EPAS1: variants seen among roughly 807,000 people sequenced by gnomAD.
The protein encoded by EPAS1 is endothelial PAS domain-containing protein 1.
A neutral mutation model predicts 87.9 loss-of-function variants in EPAS1; 23 were observed. That is an observed-to-expected ratio of 0.26 (90% CI 0.19 to 0.37). The LOEUF is 0.37. Among genes scored for constraint, EPAS1 ranks in the 10% least tolerant of loss-of-function variants. The probability of loss-of-function intolerance (pLI) is 1.00; values close to 1 mark genes in which losing one functional copy is unlikely to be tolerated. For synonymous variants in EPAS1, 508 were observed against 444.3 expected, an observed-to-expected ratio of 1.14 and a Z score of -1.80; for missense variants, 1,138 against 1,120.7, an observed-to-expected ratio of 1.02 and a Z score of -0.22.
At position 46,332,163 on chromosome 2, in the gene EPAS1, G is replaced by A. The variant is rs144475637; in HGVS notation, c.27-14710G>A. On this transcript the variant is annotated intron_variant, in intron 1 of 15. Coordinates refer to ENST00000263734, the MANE Select transcript of EPAS1 (RefSeq NM_001430.5). ...TGTGGGGTGTGCTCTGCTTGTCCCAGGAAAAAGAGGGTTAAGTGCCAAGTT... is the reference window on the plus strand; with the variant it reads ...TGTGGGGTGTGCTCTGCTTGTCCCAAGAAAAAGAGGGTTAAGTGCCAAGTT... Among the ~76,000 whole-genome samples, 236 of 151,980 alleles carry A rather than the reference G, an allele frequency of 1.6e-3. 1 individual carries two copies. Among genetic ancestry groups the A allele is most frequent in the African/African-American group, 5.5e-3 (226 of 41,430 alleles).
chr2:46,377,710 T>C (rs555541745), intron 9 of EPAS1, among the ~76,000 whole-genome samples, 184 bp from the exon 10 acceptor site: 1 of 152,194 alleles, frequency 6.6e-6, no homozygotes, highest in Non-Finnish European at 1.5e-5. Context: ...AGTCTCTACG[T>C]TGACTCATAG....
At chr2:46,336,862 A>C (rs552271491) in intron 1 of EPAS1, among the ~76,000 whole-genome samples, 12 of 152,212 alleles carry the variant, frequency 7.9e-5, no homozygotes, top group Non-Finnish European at 1.6e-4. Flanking sequence ...TGGCCACAGC[A>C]AAGGTTGGGA....
intron 1 of EPAS1, among the ~76,000 whole-genome samples, chr2:46,321,845 A>G (rs1214656100): frequency 6.6e-6 from 1 of 152,132 alleles, no homozygotes; most frequent in Non-Finnish European, 1.5e-5. Context: ...ATTATATATA[A>G]TAACTGGCAT....
At chr2:46,374,628 G>T (rs541544520) in intron 7 of EPAS1, among the ~76,000 whole-genome samples, 1 of 152,158 alleles carries the variant, frequency 6.6e-6, no homozygotes, top group South Asian at 2.1e-4. Flanking sequence ...AAGATTTCCC[G>T]ATCCTCCCTC....
rs375421395 is a variant in EPAS1 at position 46,380,525 on chromosome 2, C to A, written c.1853C>A (p.Pro618Gln). The stretch of plus-strand genomic sequence containing the variant: ...GATGCCGGAAGCAAAGCATCCCTGC[C>A]ACCGTGCTGTGGCCAGGCCAGCACC... ...FFDAGSKASLPPCCGQASTPL... is the reference protein window; with the variant it reads ...FFDAGSKASLQPCCGQASTPL... The change falls in exon 12 of 16, where the codon CCA (proline) becomes CAA (glutamine). Residue 618 changes from proline (P) to glutamine (Q), a missense_variant. This residue lies in a region of EPAS1 where 502 missense variants were observed against 427.1 expected (regional missense o/e 1.18). Transcript: ENST00000263734. The surrounding 1 kb of genome is among the most constrained non-coding windows in gnomAD (Gnocchi z 4.4). 25 of 1,614,208 alleles carry A rather than the reference C, an allele frequency of 1.5e-5. No individual in the cohort carries two copies. In the African/African-American group the frequency reaches 2.9e-4, roughly 19 times the overall value.
At chr2:46,301,503 G>A (rs1055013861) in intron 1 of EPAS1, among the ~76,000 whole-genome samples, 7 of 151,798 alleles carry the variant, frequency 4.6e-5, no homozygotes, top group Non-Finnish European at 7.4e-5. Flanking sequence ...CTTGAACCCG[G>A]GAGGTAGAGG....
chr2:46,343,725 A>C (rs1045606394), intron 1 of EPAS1, among the ~76,000 whole-genome samples: 8 of 152,226 alleles, frequency 5.3e-5, no homozygotes, highest in Non-Finnish European at 1.2e-4. Context: ...CTTTTTCTGG[A>C]AGCTAAGGTG....
chr2:46,319,703 G>C lies in EPAS1; in HGVS notation c.26+21766G>C, dbSNP rs7567722. ...GTGATTCCTCTTTGTTTTGGAGCCAGGTGCCTGCGGTATTTGCTTATTTTC... is the reference window on the plus strand; with the variant it reads ...GTGATTCCTCTTTGTTTTGGAGCCACGTGCCTGCGGTATTTGCTTATTTTC... On this transcript the variant is annotated intron_variant, in intron 1 of 15. Transcript: ENST00000263734. Among the ~76,000 whole-genome samples the C allele has an allele frequency of 4.2e-3, 638 of 152,284 alleles. 9 individuals carry two copies. The highest frequency in any genetic ancestry group is 0.015 in the African/African-American group (628 of 41,552).
At position 46,316,283 on chromosome 2, in the gene EPAS1, C is replaced by T. The variant is rs1558584841; in HGVS notation, c.26+18346C>T. 2.0e-5 allele frequency among the ~76,000 whole-genome samples: 3 copies of T among 150,704 alleles called. No homozygotes were observed. The South Asian group carries it at 6.3e-4, about 32-fold the overall frequency. On this transcript the variant is annotated intron_variant, in intron 1 of 15. Transcript: ENST00000263734. ...CCTTTTTTTTTTTCTTTTTGAGACACAGTTTCACTCCGTTGCACAGACTGG... is the reference window on the plus strand; with the variant it reads ...CCTTTTTTTTTTTCTTTTTGAGACATAGTTTCACTCCGTTGCACAGACTGG...
intron 6 of EPAS1, among the ~76,000 whole-genome samples, chr2:46,366,497 T>C (rs777712254): frequency 2.0e-5 from 3 of 152,100 alleles, no homozygotes; most frequent in Non-Finnish European, 4.4e-5. Context: ...TGTGGCTGAC[T>C]ATCTATCTGC....
At chr2:46,340,174 C>G (rs1471012834) in intron 1 of EPAS1, among the ~76,000 whole-genome samples, 1 of 151,938 alleles carries the variant, frequency 6.6e-6, no homozygotes, top group Non-Finnish European at 1.5e-5. Context: ...AGATGGGCTG[C>G]TTAGTAATCG....
At chr2:46,356,129 T>TGGGGGGGG in intron 2 of EPAS1, 22 bp from the exon 3 acceptor site, 2 of 1,242,732 alleles carry the variant, frequency 1.6e-6, no homozygotes, top group Non-Finnish European at 2.3e-6. Flanking sequence ...ATGCAAGCTG[T>TGGGGGGGG]CCCACCCCCC....
chr2:46,351,692 G>A (rs1684148201), intron 2 of EPAS1, among the ~76,000 whole-genome samples: 1 of 152,176 alleles, frequency 6.6e-6, no homozygotes, highest in Middle Eastern at 3.2e-3. Context: ...GAACCAGGAA[G>A]ACCCCATCAG....
intron 4 of EPAS1, among the ~76,000 whole-genome samples, chr2:46,359,739 A>G (rs1014834127): frequency 6.6e-6 from 1 of 152,092 alleles, no homozygotes; most frequent in East Asian, 1.9e-4. Context: ...AAGGCTCTAG[A>G]TTGTTCTATG....
At chr2:46,363,008 G>A (rs991628947) in intron 6 of EPAS1, among the ~76,000 whole-genome samples, 95 of 107,700 alleles carry the variant, frequency 8.8e-4, no homozygotes, top group African/African-American at 2.6e-3. Context: ...GGTGGTGGTG[G>A]TGGTGGTGGT....
In EPAS1 at chr2:46,314,666, G is replaced by C. The variant is rs556535590; in HGVS notation, c.26+16729G>C. On this transcript the variant is annotated intron_variant, in intron 1 of 15. Coordinates refer to ENST00000263734, the MANE Select transcript of EPAS1 (RefSeq NM_001430.5). ...TGAAATAAATTTCAAGTGGAGCCTC[G>C]TCCTGACTCCTGTTTTCACATGCTC... Among the ~76,000 whole-genome samples, 9 of 152,314 alleles carry C rather than the reference G, an allele frequency of 5.9e-5. No individual in the cohort carries two copies. In the South Asian group the frequency reaches 6.2e-4, roughly 11 times the overall value.
intron 1 of EPAS1, among the ~76,000 whole-genome samples, chr2:46,322,092 C>T (rs767157752): frequency 4.6e-5 from 7 of 152,106 alleles, no homozygotes; most frequent in Admixed American, 2.0e-4. Context: ...TCATCTACTA[C>T]GGAATCCTGG....
At chr2:46,366,089 C>T (rs1282121125) in intron 6 of EPAS1, among the ~76,000 whole-genome samples, 3 of 151,454 alleles carry the variant, frequency 2.0e-5, no homozygotes, top group African/African-American at 7.3e-5. Context: ...TCTTGCGTGA[C>T]TCCAGGCGGT....
In EPAS1 at chr2:46,352,454, A is replaced by C. The variant is rs189563584; in HGVS notation, c.218-3697A>C. Among the ~76,000 whole-genome samples the C allele has an allele frequency of 2.2e-3, 329 of 152,342 alleles. 4 individuals carry two copies. The highest frequency in any genetic ancestry group is 7.1e-3 in the African/African-American group (294 of 41,582). ...CAGACATGAACACAGTAGAAACTTAATAATGGTGTAGGGAGCGCGTGCATT... is the reference window on the plus strand; with the variant it reads ...CAGACATGAACACAGTAGAAACTTACTAATGGTGTAGGGAGCGCGTGCATT... On this transcript the variant is annotated intron_variant, in intron 2 of 15. Coordinates refer to ENST00000263734, the MANE Select transcript of EPAS1 (RefSeq NM_001430.5).
Sources: allele counts gnomAD v4.1 joint callset (sites outside exome capture counted in the v4.1 genomes callset), GRCh38; gene constraint gnomAD v4.1.1; regional missense constraint gnomAD v4.1.1; non-coding constraint Gnocchi (gnomAD v3.1); transcripts MANE v1.5; gene names NCBI Gene and HGNC (gene_info 2026-07-23, HGNC 2026-07-21).